The following AIG1 variants were observed in gnomAD, a reference collection of about 807,000 sequenced individuals.
AIG1 encodes androgen induced 1.
In AIG1, 23 loss-of-function variants were observed where a neutral mutation model predicts 31.4. That is an observed-to-expected ratio of 0.73 (90% CI 0.53 to 1.04). The LOEUF (loss-of-function observed/expected upper bound fraction) is 1.04, where lower values mean the gene tolerates loss of function less well. AIG1 is among the 50% of genes least tolerant of loss of function. The pLI, the probability that AIG1 is intolerant of heterozygous loss-of-function variation, is 0.00. For missense variants in AIG1, 274 were observed against 295.0 expected, an observed-to-expected ratio of 0.93 and a Z score of 0.52; for synonymous variants, 100 against 110.5, an observed-to-expected ratio of 0.90 and a Z score of 0.60.
At chr6:143,218,815 C>A (rs1303804690) in intron 3 of AIG1, among the ~76,000 whole-genome samples, 2 of 152,184 alleles carry the variant, frequency 1.3e-5, no homozygotes, top group Non-Finnish European at 2.9e-5. Flanking sequence ...CTTTCTGACC[C>A]CTGATTCCAT....
intron 1 of AIG1, among the ~76,000 whole-genome samples, chr6:143,110,982 G>A (rs373137303): frequency 2.6e-5 from 4 of 152,138 alleles, no homozygotes; most frequent in Non-Finnish European, 1.5e-5. Context: ...TGCCAGAGAT[G>A]AAGTTATAAA....
At position 143,268,333 on chromosome 6, in the gene AIG1, T is replaced by A. The variant is rs1467923578; in HGVS notation, c.400-15777T>A. Among the ~76,000 whole-genome samples the A allele has an allele frequency of 6.6e-6, 1 of 152,158 alleles. No homozygotes were observed. The highest frequency in any genetic ancestry group is 2.4e-5 in the African/African-American group (1 of 41,448). Reference sequence around the variant, plus strand: ...GGTATTGTCTGTACGACTGGCATTGTTCCCTGAGCCTCGAGTCTACGGGGA... The same window carrying A: ...GGTATTGTCTGTACGACTGGCATTGATCCCTGAGCCTCGAGTCTACGGGGA... On this transcript the variant is annotated intron_variant, in intron 3 of 5. Coordinates refer to ENST00000357847, the MANE Select transcript of AIG1 (RefSeq NM_016108.4). This position sits in a 1 kb window ranked among gnomAD's most constrained non-coding sequence, Gnocchi z 5.0.
chr6:143,176,052 C>T (rs987565340), intron 3 of AIG1, among the ~76,000 whole-genome samples: 4 of 152,156 alleles, frequency 2.6e-5, no homozygotes, highest in Non-Finnish European at 1.5e-5. Flanking sequence ...TCCTGAGAAT[C>T]GAACTGCAGT....
At chr6:143,198,140 A>G (rs1790405633) in intron 3 of AIG1, among the ~76,000 whole-genome samples, 1 of 152,242 alleles carries the variant, frequency 6.6e-6, no homozygotes, top group African/African-American at 2.4e-5. Context: ...ACTTCTGTGT[A>G]CCAAGTACTA....
rs1290420311 is a variant in AIG1 at position 143,328,297 on chromosome 6, G to T, written c.516-4985G>T. Among the ~76,000 whole-genome samples, 2 of 152,186 alleles carry T rather than the reference G, an allele frequency of 1.3e-5. No individual in the cohort carries two copies. On this transcript the variant is annotated intron_variant, in intron 4 of 5. Coordinates refer to ENST00000357847, the MANE Select transcript of AIG1 (RefSeq NM_016108.4). The surrounding 1 kb of genome is among the most constrained non-coding windows in gnomAD (Gnocchi z 4.0). ...CTTATTGGAGAAGTTTGCTTTTGAA[G>T]AGGAGAGACTTGAGTAGTACTTGTG... is the stretch of plus-strand genomic sequence containing the variant.
chr6:143,255,122 A>G (rs1795290790), intron 3 of AIG1, among the ~76,000 whole-genome samples: 1 of 152,208 alleles, frequency 6.6e-6, no homozygotes, highest in Non-Finnish European at 1.5e-5. Context: ...ATGACTGCAT[A>G]GAAGAGCCCC....
chr6:143,204,555 A>G (rs770952416), intron 3 of AIG1, among the ~76,000 whole-genome samples: 9 of 152,154 alleles, frequency 5.9e-5, no homozygotes, highest in Non-Finnish European at 8.8e-5. Flanking sequence ...AGGCCAGAGC[A>G]TCACTTCTGC....
intron 3 of AIG1, among the ~76,000 whole-genome samples, chr6:143,169,532 C>G (rs1293581618): frequency 6.6e-6 from 1 of 152,042 alleles, no homozygotes; most frequent in African/African-American, 2.4e-5. Context: ...TGCTATAGAA[C>G]ACTGGAATTT....
intron 3 of AIG1, among the ~76,000 whole-genome samples, chr6:143,194,150 A>G (rs757154660): frequency 5.3e-5 from 8 of 152,346 alleles, no homozygotes; most frequent in Admixed American, 1.3e-4. Context: ...TATAAAGGAA[A>G]GAGATTTAAT....
At chr6:143,244,710 C>G (rs1243303042) in intron 3 of AIG1, among the ~76,000 whole-genome samples, 1 of 152,212 alleles carries the variant, frequency 6.6e-6, no homozygotes, top group Non-Finnish European at 1.5e-5. Flanking sequence ...CAAAGAGGTG[C>G]TGTCTGTGCA....
rs1776701025 is a variant in AIG1, at chr6:143,327,430, A to G, written c.516-5852A>G. On this transcript the variant is annotated intron_variant, in intron 4 of 5. Coordinates refer to ENST00000357847, the MANE Select transcript of AIG1 (RefSeq NM_016108.4). The surrounding 1 kb of genome is among the most constrained non-coding windows in gnomAD (Gnocchi z 5.3). ...CTTGGGCACTCAAAGAGATCTGGAAATTTGCCACGAAGGAGATGGGAACTC... is the reference window on the plus strand; with the variant it reads ...CTTGGGCACTCAAAGAGATCTGGAAGTTTGCCACGAAGGAGATGGGAACTC... 7 of 364,268 alleles carry G rather than the reference A, an allele frequency of 1.9e-5. No homozygotes were observed. Among genetic ancestry groups the G allele is most frequent in the South Asian group, 1.7e-4 (7 of 40,434 alleles). The allele number at this position is 364,268 out of a possible 1,614,324, so 22.6% of individuals were successfully genotyped here.
At chr6:143,180,560 T>C (rs149859054) in intron 3 of AIG1, among the ~76,000 whole-genome samples, 60 of 152,294 alleles carry the variant, frequency 3.9e-4, no homozygotes, top group African/African-American at 1.4e-3. Context: ...TCCAGAAAGA[T>C]TGCTGAGCTT....
At chr6:143,090,023 A>T (rs1182285808) in intron 1 of AIG1, among the ~76,000 whole-genome samples, 3 of 152,228 alleles carry the variant, frequency 2.0e-5, no homozygotes, top group Admixed American at 6.5e-5. Flanking sequence ...ATTGTTACAC[A>T]TGTGTGACCA....
chr6:143,116,771 A>G (rs560839550), intron 1 of AIG1, among the ~76,000 whole-genome samples: 1 of 151,440 alleles, frequency 6.6e-6, no homozygotes, highest in South Asian at 2.1e-4. Context: ...CCTTACATAC[A>G]GTCCAGGGGC....
At position 143,323,762 on chromosome 6, in the gene AIG1, C is replaced by T. The variant is rs371065294; in HGVS notation, c.516-9520C>T. On this transcript the variant is annotated intron_variant, in intron 4 of 5. Coordinates refer to ENST00000357847, the MANE Select transcript of AIG1 (RefSeq NM_016108.4). ...CACGCAATCCCCACTGCTGCTCACC[C>T]CACCTGACACAGAGTGAAGACTCAA... Among the ~76,000 whole-genome samples the T allele has an allele frequency of 3.0e-4, 45 of 152,216 alleles. No homozygotes were observed. In the East Asian group the frequency reaches 6.2e-3, roughly 21 times the overall value.
At chr6:143,252,470 G>A (rs1385902804) in intron 3 of AIG1, among the ~76,000 whole-genome samples, 1 of 152,142 alleles carries the variant, frequency 6.6e-6, no homozygotes, top group Non-Finnish European at 1.5e-5. Flanking sequence ...AAAATACTGG[G>A]TAATTGAATA....
chr6:143,288,177 C>T lies in AIG1; in HGVS notation c.515+3952C>T, dbSNP rs1797821400. ...CAAGCACCTGGAATCCTTGTCTCTGCAGTTCTGCTTCTCATTGCTCTGCCT... is the reference window on the plus strand; with the variant it reads ...CAAGCACCTGGAATCCTTGTCTCTGTAGTTCTGCTTCTCATTGCTCTGCCT... On this transcript the variant is annotated intron_variant, in intron 4 of 5. Coordinates refer to ENST00000357847, the MANE Select transcript of AIG1 (RefSeq NM_016108.4). The surrounding 1 kb of genome is among the most constrained non-coding windows in gnomAD (Gnocchi z 4.4). 6.6e-6 allele frequency among the ~76,000 whole-genome samples: 1 copy of T among 152,176 alleles called. No homozygotes were observed.
Position 143,124,715 on chromosome 6 carries a change from G to C in AIG1, c.142-12120G>C, listed in dbSNP as rs915964305. Among the ~76,000 whole-genome samples the C allele has an allele frequency of 2.0e-4, 31 of 152,322 alleles. No individual in the cohort carries two copies. In the Middle Eastern group the frequency reaches 0.01, roughly 50 times the overall value. ...GTCTCAGGAAACTTACAATCATGGT[G>C]GAAGGCAAAGGAGAAGCAGGTACCT... On this transcript the variant is annotated intron_variant, in intron 1 of 5. Coordinates refer to ENST00000357847, the MANE Select transcript of AIG1 (RefSeq NM_016108.4).
rs547855595 is a variant in AIG1 at position 143,143,552 on chromosome 6, T to C, written c.297+6562T>C. On this transcript the variant is annotated intron_variant, in intron 2 of 5. Transcript: ENST00000357847. ...AAATATATATATATATATATATATA[T>C]ATACACACACACTTAATATCTTCTG... 6.1e-4 allele frequency among the ~76,000 whole-genome samples: 68 copies of C among 112,034 alleles called. 2 individuals are homozygous for C. Among genetic ancestry groups the C allele is most frequent in the African/African-American group, 2.6e-3 (61 of 23,676 alleles). The allele number at this position is 112,034 out of a possible 152,430, so 73.5% of individuals were successfully genotyped here. A position where few individuals can be genotyped will look rare whatever the true frequency, so the allele number is the denominator to read the frequency against.
Sources: allele counts gnomAD v4.1 joint callset (sites outside exome capture counted in the v4.1 genomes callset), GRCh38; gene constraint gnomAD v4.1.1; non-coding constraint Gnocchi (gnomAD v3.1); transcripts MANE v1.5; gene names NCBI Gene and HGNC (gene_info 2026-07-23, HGNC 2026-07-21).